The following RANBP17 variants were observed in gnomAD, a reference collection of about 807,000 sequenced individuals.
RANBP17 encodes the protein ran-binding protein 17.
Under a neutral mutation model 141.2 loss-of-function variants are expected in RANBP17, and 158 were observed. The ratio of observed to expected loss-of-function variants is 1.12; its 90% CI spans 0.98 to 1.28. RANBP17 has a LOEUF of 1.28. Ranked by LOEUF, RANBP17 falls within the 50% of genes most tolerant of loss-of-function variation. The pLI, the probability that RANBP17 is intolerant of heterozygous loss-of-function variation, is 0.00. For synonymous variants in RANBP17, 430 were observed against 450.0 expected, an observed-to-expected ratio of 0.96 and a Z score of 0.56; for missense variants, 1,438 against 1,290.7, an observed-to-expected ratio of 1.11 and a Z score of -1.75.
chr5:170,920,154 TGTTTCTCCTGG>T (rs1411417236), intron 11 of RANBP17, among the ~76,000 whole-genome samples: 1 of 152,146 alleles, frequency 6.6e-6, no homozygotes, highest in East Asian at 1.9e-4. Flanking sequence ...CATAAGTTTT[TGTTTCTCCTGG>T]GTAAATAGCT....
chr5:170,930,746 T>C (rs1246445717), intron 12 of RANBP17, among the ~76,000 whole-genome samples: 1 of 152,214 alleles, frequency 6.6e-6, no homozygotes, highest in Non-Finnish European at 1.5e-5. Context: ...GAACTTGTCC[T>C]TTTTTATGGC....
intron 1 of RANBP17, among the ~76,000 whole-genome samples, chr5:170,875,174 G>A (rs1768077922): frequency 6.6e-6 from 1 of 152,192 alleles, no homozygotes; most frequent in Admixed American, 6.5e-5. Context: ...CTTCTGGCTT[G>A]TAGGGTTTCT....
chr5:170,979,589 A>G (rs1233971173), intron 14 of RANBP17, among the ~76,000 whole-genome samples: 1 of 152,120 alleles, frequency 6.6e-6, no homozygotes, highest in Admixed American at 6.6e-5. Flanking sequence ...TAGTGACTAA[A>G]TCTCACAAAA....
chr5:171,042,265 T>C (rs1407728711), intron 14 of RANBP17, among the ~76,000 whole-genome samples: 1 of 152,042 alleles, frequency 6.6e-6, no homozygotes, highest in African/African-American at 2.4e-5. Flanking sequence ...AAAATTCCTA[T>C]CATGTAGTTA....
intron 24 of RANBP17, among the ~76,000 whole-genome samples, chr5:171,245,106 G>A (rs1561796114): frequency 6.6e-6 from 1 of 151,688 alleles, no homozygotes; most frequent in Non-Finnish European, 1.5e-5. Context: ...TCCAGCCTGG[G>A]CAACAGAGCA....
intron 14 of RANBP17, among the ~76,000 whole-genome samples, chr5:171,080,163 A>G (rs1284994332): frequency 3.9e-5 from 6 of 152,086 alleles, no homozygotes; most frequent in South Asian, 2.1e-4. Context: ...ACAAAAGGCC[A>G]TGTTGAACTT....
At chr5:170,925,294 T>G (rs1772829392) in intron 12 of RANBP17, among the ~76,000 whole-genome samples, 1 of 152,140 alleles carries the variant, frequency 6.6e-6, no homozygotes, top group African/African-American at 2.4e-5. Flanking sequence ...TTGAATAATG[T>G]TTTTTAAAAA....
intron 25 of RANBP17, among the ~76,000 whole-genome samples, chr5:171,291,715 C>T (rs1481752764): frequency 6.6e-6 from 1 of 152,126 alleles, no homozygotes; most frequent in Non-Finnish European, 1.5e-5. Context: ...TTCCCCCATA[C>T]CCTACTGTAA....
chr5:171,080,084 C>T (rs542388458), intron 14 of RANBP17, among the ~76,000 whole-genome samples: 1 of 152,164 alleles, frequency 6.6e-6, no homozygotes, highest in African/African-American at 2.4e-5. Flanking sequence ...GGAAGAAAAC[C>T]TGTCAGTGTT....
At chr5:171,022,027 C>T (rs556595118) in intron 14 of RANBP17, among the ~76,000 whole-genome samples, 1 of 151,902 alleles carries the variant, frequency 6.6e-6, no homozygotes. Flanking sequence ...ATATTCAGGT[C>T]CCTCCTCTGT....
chr5:171,101,846 C>T (rs1787187690), intron 14 of RANBP17, among the ~76,000 whole-genome samples: 2 of 152,238 alleles, frequency 1.3e-5, no homozygotes, highest in South Asian at 4.1e-4. Context: ...TTCTCCTTTA[C>T]TTATGAAGCT....
At chr5:171,235,227 G>A (rs1284141596) in intron 22 of RANBP17, among the ~76,000 whole-genome samples, 3 of 151,976 alleles carry the variant, frequency 2.0e-5, no homozygotes, top group Non-Finnish European at 2.9e-5. Flanking sequence ...TGAGTGGAGC[G>A]GGCATAAAAG....
At chr5:171,246,092 G>C (rs1029710167) in intron 24 of RANBP17, among the ~76,000 whole-genome samples, 3 of 151,986 alleles carry the variant, frequency 2.0e-5, no homozygotes, top group Non-Finnish European at 2.9e-5. Flanking sequence ...TGTTGGTCAG[G>C]CTGGTCTCAA....
At chr5:171,144,281 G>A (rs1581727269) in intron 14 of RANBP17, among the ~76,000 whole-genome samples, 2 of 152,026 alleles carry the variant, frequency 1.3e-5, no homozygotes, top group African/African-American at 2.4e-5. Context: ...TAAGAGGATC[G>A]CTTGAGCCCA....
At chr5:170,946,269 CAT>C (rs969311418) in intron 12 of RANBP17, among the ~76,000 whole-genome samples, 3 of 151,964 alleles carry the variant, frequency 2.0e-5, no homozygotes, top group African/African-American at 7.2e-5. Flanking sequence ...ATTGATAAAA[CAT>C]AACAGGAAGG....
intron 14 of RANBP17, among the ~76,000 whole-genome samples, chr5:171,127,340 A>G (rs1208723544): frequency 6.6e-6 from 1 of 152,220 alleles, no homozygotes; most frequent in Non-Finnish European, 1.5e-5. Context: ...AAGAAAAGCT[A>G]TGTATGACAA....
intron 24 of RANBP17, among the ~76,000 whole-genome samples, chr5:171,257,984 T>C (rs765032125): frequency 1.3e-5 from 2 of 151,888 alleles, no homozygotes; most frequent in Non-Finnish European, 2.9e-5. Context: ...ACATGCCTGT[T>C]AATCCCAGCT....
At chr5:171,288,988 T>C (rs1257841687) in intron 25 of RANBP17, among the ~76,000 whole-genome samples, 1 of 152,266 alleles carries the variant, frequency 6.6e-6, no homozygotes, top group Non-Finnish European at 1.5e-5. Context: ...GTTTTAGTCA[T>C]AGATTAAGAC....
chr5:171,039,472 A>T (rs914804297), intron 14 of RANBP17, among the ~76,000 whole-genome samples: 3 of 151,748 alleles, frequency 2.0e-5, no homozygotes, highest in Non-Finnish European at 2.9e-5. Context: ...TTCCTAATAG[A>T]TTCTGGATAT....
Sources: gnomAD v4.1 joint callset for allele counts (sites outside exome capture counted in the v4.1 genomes callset) on GRCh38, gnomAD v4.1.1 for gene constraint, MANE v1.5 for transcripts, NCBI Gene and HGNC (gene_info 2026-07-23, HGNC 2026-07-21) for gene names.